BCAR3: variants seen among roughly 807,000 people sequenced by gnomAD.
BCAR3 encodes breast cancer anti-estrogen resistance protein 3.
Under a neutral mutation model 80.1 loss-of-function variants are expected in BCAR3, and 37 were observed. The observed-to-expected ratio is 0.46, with a 90% CI of 0.36 to 0.61. BCAR3 has a LOEUF of 0.61. Ranked by LOEUF, BCAR3 falls within the 20% of genes least tolerant of loss-of-function variation. The probability of loss-of-function intolerance (pLI) is 0.00; values close to 1 mark genes in which losing one functional copy is unlikely to be tolerated. For synonymous variants in BCAR3, 389 were observed against 418.9 expected (o/e 0.93, Z 0.87); for missense variants, 978 against 1,068.2 (o/e 0.92, Z 1.18).
chr1:93,738,440 G>T (rs1043232109), intron 2 of BCAR3, among the ~76,000 whole-genome samples: 4 of 152,246 alleles, frequency 2.6e-5, no homozygotes, highest in Admixed American at 2.6e-4. Context: ...CTGCAGGCCG[G>T]TGATGGAGCT....
intron 2 of BCAR3, among the ~76,000 whole-genome samples, chr1:93,817,169 T>C (rs1654050339): frequency 6.6e-6 from 1 of 152,236 alleles, no homozygotes; most frequent in Non-Finnish European, 1.5e-5. Context: ...CAGCTTCCTG[T>C]CATGTTTCTG....
chr1:93,565,174 A>G (rs1026986912), intron 11 of BCAR3, among the ~76,000 whole-genome samples: 3 of 151,874 alleles, frequency 2.0e-5, no homozygotes, highest in African/African-American at 7.3e-5. Flanking sequence ...ATCAAGGAGA[A>G]TCGCTTGATA....
intron 3 of BCAR3, among the ~76,000 whole-genome samples, chr1:93,640,841 T>C (rs978329552): frequency 1.3e-5 from 2 of 152,252 alleles, no homozygotes; most frequent in African/African-American, 4.8e-5. Context: ...GTACACTTGC[T>C]GAGCACAGCC....
At chr1:93,649,174 T>C (rs1354327306) in intron 2 of BCAR3, among the ~76,000 whole-genome samples, 1 of 152,164 alleles carries the variant, frequency 6.6e-6, no homozygotes, top group Non-Finnish European at 1.5e-5. Context: ...CTAGTTTCCT[T>C]CTCTTCTGCC....
chr1:93,818,022 G>A (rs1366972725), intron 2 of BCAR3, among the ~76,000 whole-genome samples: 3 of 152,142 alleles, frequency 2.0e-5, no homozygotes, highest in South Asian at 4.2e-4. Context: ...TACCGGTGAC[G>A]CACTGGTTCC....
chr1:93,768,639 G>A (rs1224102619), intron 2 of BCAR3, among the ~76,000 whole-genome samples: 7 of 152,200 alleles, frequency 4.6e-5, no homozygotes, highest in Admixed American at 4.6e-4. Context: ...GGGGAAAAAA[G>A]TTTAATTAAA....
intron 2 of BCAR3, among the ~76,000 whole-genome samples, chr1:93,735,359 C>T (rs1650937958): frequency 6.6e-6 from 1 of 152,226 alleles, no homozygotes; most frequent in Non-Finnish European, 1.5e-5. Flanking sequence ...GGACCCTCCT[C>T]TCCCACTCCT....
At chr1:93,671,325 A>G (rs1648193897) in intron 2 of BCAR3, among the ~76,000 whole-genome samples, 1 of 152,162 alleles carries the variant, frequency 6.6e-6, no homozygotes, top group South Asian at 2.1e-4. Flanking sequence ...TTAACAAGCT[A>G]AACATATTTT....
chr1:93,764,644 C>A (rs1652078219), intron 2 of BCAR3, among the ~76,000 whole-genome samples: 1 of 152,170 alleles, frequency 6.6e-6, no homozygotes, highest in Admixed American at 6.5e-5. Context: ...GGAGACCTGG[C>A]TCCCCATGAC....
chr1:93,584,470 CA>C (rs1176768998), intron 5 of BCAR3, among the ~76,000 whole-genome samples: 3 of 152,222 alleles, frequency 2.0e-5, no homozygotes, highest in Non-Finnish European at 4.4e-5. Flanking sequence ...GTACTTTTAA[CA>C]GAGCCTAAAA....
At chr1:93,846,412 C>T (rs779085115) in intron 1 of BCAR3, among the ~76,000 whole-genome samples, 73 of 152,298 alleles carry the variant, frequency 4.8e-4, no homozygotes, top group Middle Eastern at 3.4e-3. Context: ...GAACGGGGGC[C>T]GGGCGTTCGG....
At chr1:93,822,390 A>G (rs1654256719) in intron 2 of BCAR3, among the ~76,000 whole-genome samples, 1 of 149,844 alleles carries the variant, frequency 6.7e-6, no homozygotes, top group Non-Finnish European at 1.5e-5. Flanking sequence ...TCCAGGCTGG[A>G]GTGCAATGGC....
intron 3 of BCAR3, among the ~76,000 whole-genome samples, chr1:93,620,663 C>T (rs528750229): frequency 6.6e-6 from 1 of 152,324 alleles, no homozygotes; most frequent in South Asian, 2.1e-4. Context: ...CCTCCTCCTG[C>T]CCTGGCCCTG....
intron 2 of BCAR3, among the ~76,000 whole-genome samples, chr1:93,758,382 C>T (rs1651819150): frequency 6.6e-6 from 1 of 152,220 alleles, no homozygotes; most frequent in African/African-American, 2.4e-5. Flanking sequence ...CAGCTGGAAG[C>T]TGCAGGGCAG....
chr1:93,675,925 CA>C (rs58706715), intron 1 of BCAR3, among the ~76,000 whole-genome samples: 1,050 of 51,408 alleles, frequency 0.02, 3 homozygotes, highest in South Asian at 0.05. Flanking sequence ...AAATAGGAGA[CA>C]AAAAAAAAAA....
chr1:93,773,632 A>G (rs1225812519), intron 2 of BCAR3, among the ~76,000 whole-genome samples: 2 of 152,156 alleles, frequency 1.3e-5, no homozygotes, highest in Non-Finnish European at 2.9e-5. Flanking sequence ...GCTAGTGCCC[A>G]GTGCCTATAA....
intron 3 of BCAR3, among the ~76,000 whole-genome samples, chr1:93,615,536 A>G (rs1020427750): frequency 6.6e-6 from 1 of 152,088 alleles, no homozygotes; most frequent in Admixed American, 6.5e-5. Flanking sequence ...CTCCCAGGCC[A>G]CAGAAAGTCC....
intron 10 of BCAR3, 88 bp downstream of exon 10, chr1:93,567,652 A>G: frequency 1.4e-6 from 2 of 1,426,482 alleles, no homozygotes; most frequent in South Asian, 1.2e-5. Flanking sequence ...AGTGCTGCAG[A>G]TAACTCAGGG....
At chr1:93,814,880 G>A (rs766297116) in intron 2 of BCAR3, among the ~76,000 whole-genome samples, 4 of 152,188 alleles carry the variant, frequency 2.6e-5, no homozygotes, top group Non-Finnish European at 5.9e-5. Flanking sequence ...CTTAAAAGAC[G>A]GAGTGCAAAC....
Sources: allele counts gnomAD v4.1 joint callset (sites outside exome capture counted in the v4.1 genomes callset), GRCh38; gene constraint gnomAD v4.1.1; transcripts MANE v1.5; gene names NCBI Gene and HGNC (gene_info 2026-07-23, HGNC 2026-07-21).